INTS10: variants seen among roughly 807,000 people sequenced by gnomAD.
INTS10 encodes the protein chromosome 8 open reading frame 35.
INTS10 carries 44 observed loss-of-function variants against 94.4 expected under a neutral mutation model. The ratio of observed to expected loss-of-function variants is 0.47; its 90% CI spans 0.37 to 0.60. The LOEUF (loss-of-function observed/expected upper bound fraction) is 0.60. Among genes scored for constraint, INTS10 ranks in the 20% least tolerant of loss-of-function variants. The pLI is 0.00. For missense variants in INTS10, 797 were observed against 868.7 expected (o/e 0.92, Z 1.04); for synonymous variants, 341 against 320.7 (o/e 1.06, Z -0.68).
chr8:19,843,396 G>A lies in INTS10; in HGVS notation c.1719+469G>A, dbSNP rs926338556. 1.3e-5 allele frequency among the ~76,000 whole-genome samples: 2 copies of A among 152,148 alleles called. No homozygotes were observed. The highest frequency in any genetic ancestry group is 2.9e-5 in the Non-Finnish European group (2 of 68,022). On this transcript the variant is annotated intron_variant, in intron 14 of 16. Transcript: ENST00000397977. The surrounding 1 kb of genome is among the most constrained non-coding windows in gnomAD (Gnocchi z 4.7). ...AAGAACGCCAAGGCCCTTGGCTACA[G>A]GTAGAGCAGAGCCTTAGAGCAGGGA...
intron 16 of INTS10, among the ~76,000 whole-genome samples, chr8:19,850,015 C>T (rs931413007): frequency 6.6e-6 from 1 of 151,464 alleles, no homozygotes; most frequent in African/African-American, 2.4e-5. Context: ...CCCAGCTACT[C>T]GGGAGGCTGA....
intron 7 of INTS10, 93 bp from the exon 8 acceptor site, chr8:19,824,710 G>A: frequency 1.3e-6 from 1 of 782,232 alleles, no homozygotes; most frequent in Non-Finnish European, 2.0e-6. Flanking sequence ...GCAACATTTG[G>A]TACATGTAAT....
chr8:19,822,622 A>G (rs980270015), intron 5 of INTS10, 102 bp downstream of exon 5: 8 of 685,946 alleles, frequency 1.2e-5, no homozygotes, highest in African/African-American at 3.6e-5. Flanking sequence ...AAGGAGCTTT[A>G]TGTGTTATGG....
intron 15 of INTS10, 59 bp downstream of exon 15, chr8:19,844,297 G>A: frequency 1.6e-6 from 2 of 1,223,388 alleles, no homozygotes; most frequent in Non-Finnish European, 2.3e-6. Context: ...ATGAATACAT[G>A]ATAGAAAAAG....
In INTS10 at chr8:19,820,514, A is replaced by G. The variant is rs1247299038; in HGVS notation, c.437A>G (p.His146Arg). Residue 146 changes from histidine to arginine, a missense_variant, in exon 4 of 17, where the codon CAT (histidine) becomes CGT (arginine). This residue lies in a region of INTS10 where 734 missense variants were observed against 787.8 expected (regional missense o/e 0.93). Transcript: ENST00000397977. ...CGCTTCCCTGAAACGGTGGTGCAGC[A>G]TGGGGTGAGATTTGATTCTTCCCCT... ...LRRFPETVVQ[H>R]GVGLGEALLE... The G allele has an allele frequency of 6.2e-7, 1 of 1,609,200 alleles. No homozygotes were observed. The highest frequency in any genetic ancestry group is 8.5e-7 in the Non-Finnish European group (1 of 1,176,876).
Position 19,844,174 on chromosome 8 carries a change from A to G in INTS10, c.1818A>G (p.Lys606=), listed in dbSNP as rs758674187. Reference sequence around the variant, plus strand: ...CACGGGGCGAGAATCTTTTCCTGAAAGCTGTCAATAAAATTTGCCAACAAG... The same window carrying G: ...CACGGGGCGAGAATCTTTTCCTGAAGGCTGTCAATAAAATTTGCCAACAAG... ...EWPRGENLFL[K]AVNKICQQGN... Residue 606 remains lysine (K), a synonymous_variant, in exon 15 of 17, where the codon AAA becomes AAG. Transcript: ENST00000397977. 1.2e-6 allele frequency: 2 copies of G among 1,613,932 alleles called. No homozygotes were observed. Among genetic ancestry groups the G allele is most frequent in the Non-Finnish European group, 1.7e-6 (2 of 1,179,776 alleles).
intron 15 of INTS10, 193 bp from the exon 16 acceptor site, chr8:19,845,511 G>T (rs1170731400): frequency 4.4e-5 from 26 of 587,004 alleles, no homozygotes. Flanking sequence ...TTCAAATATG[G>T]AGTCTGCAGT....
chr8:19,844,490 G>A (rs4268139), intron 15 of INTS10, among the ~76,000 whole-genome samples: 1 of 152,140 alleles, frequency 6.6e-6, no homozygotes, highest in Non-Finnish European at 1.5e-5. Context: ...AAGAAGGTAC[G>A]CAAAATGCCT....
At position 19,843,505 on chromosome 8, in the gene INTS10, A is replaced by G. The variant is rs370778733; in HGVS notation, c.1720-571A>G. 4.3e-4 allele frequency among the ~76,000 whole-genome samples: 66 copies of G among 152,346 alleles called. No homozygotes were observed. Among genetic ancestry groups the G allele is most frequent in the South Asian group, 3.7e-3 (18 of 4,830 alleles). On this transcript the variant is annotated intron_variant, in intron 14 of 16. Transcript: ENST00000397977. This position sits in a 1 kb window ranked among gnomAD's most constrained non-coding sequence, Gnocchi z 4.7. The stretch of plus-strand genomic sequence containing the variant: ...CAGTGCAGTAACTCCCACTTAACTC[A>G]TCATCCATATCACTTTTTTAGGGCA...
At chr8:19,828,230 A>G (rs2066954891) in intron 9 of INTS10, among the ~76,000 whole-genome samples, 1 of 152,212 alleles carries the variant, frequency 6.6e-6, no homozygotes, top group East Asian at 1.9e-4. Context: ...AAAAAATAAA[A>G]TAGAAACCTA....
rs1420836867 is a variant in INTS10 at position 19,833,301 on chromosome 8, T to A, written c.1510T>A (p.Phe504Ile). 1.9e-6 allele frequency: 3 copies of A among 1,612,106 alleles called. No homozygotes were observed. The Admixed American group carries it at 5.0e-5, about 27-fold the overall frequency. Residue 504 changes from phenylalanine (F) to isoleucine (I), a missense_variant, in exon 12 of 17, where the codon TTT becomes ATT. Transcript: ENST00000397977. ...GCTCATCCAGCTGGCGACGTGCCAC[T>A]TTGCGCTAGGGGAGTACAGAGTGAG... ...RALIQLATCHFALGEYRMTCE... is the reference protein window; with the variant it reads ...RALIQLATCHIALGEYRMTCE...
In INTS10 at chr8:19,826,461, C is replaced by T. The variant is rs1340870135; in HGVS notation, c.1042C>T (p.Leu348Phe). ...NAPSQVPLVLLEDVSNVYGDV... is the reference protein window; with the variant it reads ...NAPSQVPLVLFEDVSNVYGDV... ...CCCGAGCCAAGTTCCACTGGTTCTTCTTGAAGATGTATCGAATGTGTATGG... is the reference window on the plus strand; with the variant it reads ...CCCGAGCCAAGTTCCACTGGTTCTTTTTGAAGATGTATCGAATGTGTATGG... The change falls in exon 9 of 17, where the codon CTT becomes TTT. Residue 348 changes from leucine (L) to phenylalanine (F), a missense_variant. Transcript: ENST00000397977. 5 of 1,612,414 alleles carry T rather than the reference C, an allele frequency of 3.1e-6. No individual in the cohort carries two copies. The highest frequency in any genetic ancestry group is 4.2e-6 in the Non-Finnish European group (5 of 1,179,530).
chr8:19,845,163 C>T (rs540740875), intron 15 of INTS10, among the ~76,000 whole-genome samples: 45 of 152,214 alleles, frequency 3.0e-4, no homozygotes, highest in African/African-American at 1.0e-3. Flanking sequence ...TGAATGTCAT[C>T]GACATATTGC....
At chr8:19,845,669 T>G (rs546835256) in intron 15 of INTS10, 35 bp from the exon 16 acceptor site, 2 of 1,516,544 alleles carry the variant, frequency 1.3e-6, no homozygotes, top group Non-Finnish European at 1.8e-6. Flanking sequence ...CTAGCACCTT[T>G]TTTTACATGT....
chr8:19,844,038 C>T (rs759386431), intron 14 of INTS10, 38 bp from the exon 15 acceptor site: 7 of 1,521,334 alleles, frequency 4.6e-6, no homozygotes, highest in Middle Eastern at 1.8e-4. Flanking sequence ...CCTGTGACTT[C>T]CTTTTCCTTC....
At chr8:19,821,036 A>G (rs970406757) in intron 4 of INTS10, 13 of 152,376 alleles carry the variant, frequency 8.5e-5, no homozygotes, top group African/African-American at 3.1e-4. Context: ...TTTGTGTTTT[A>G]GTAACTTCCC....
intron 13 of INTS10, among the ~76,000 whole-genome samples, chr8:19,841,302 TAGAA>T (rs1251010735): frequency 5.9e-5 from 9 of 152,182 alleles, no homozygotes; most frequent in Non-Finnish European, 7.4e-5. Flanking sequence ...AATTTAAAAA[TAGAA>T]AGATTAGTAA....
intron 12 of INTS10, among the ~76,000 whole-genome samples, chr8:19,835,678 C>G (rs1218772439): frequency 1.3e-5 from 2 of 152,156 alleles, no homozygotes; most frequent in Non-Finnish European, 2.9e-5. Context: ...TATCCAACTC[C>G]AGAGTTCAAG....
intron 11 of INTS10, 82 bp from the exon 12 acceptor site, chr8:19,833,087 C>A: frequency 7.9e-7 from 1 of 1,265,282 alleles, no homozygotes; most frequent in South Asian, 1.8e-5. Flanking sequence ...CTCGTTGCTT[C>A]GTGAACCCTG....
Sources: allele counts gnomAD v4.1 joint callset (sites outside exome capture counted in the v4.1 genomes callset), GRCh38; gene constraint gnomAD v4.1.1; regional missense constraint gnomAD v4.1.1; non-coding constraint Gnocchi (gnomAD v3.1); transcripts MANE v1.5; gene names NCBI Gene and HGNC (gene_info 2026-07-23, HGNC 2026-07-21).